COL23A1: variants seen among roughly 807,000 people sequenced by gnomAD.
COL23A1 encodes the protein collagen alpha-1(XXIII) chain.
A neutral mutation model predicts 99.3 loss-of-function variants in COL23A1; 97 were observed. That is an observed-to-expected ratio of 0.98 (90% CI 0.83 to 1.16). The LOEUF (loss-of-function observed/expected upper bound fraction) is 1.16, where lower values mean the gene tolerates loss of function less well. Ranked by LOEUF, COL23A1 falls within the 50% of genes most tolerant of loss-of-function variation. COL23A1 has a pLI of 0.00. For synonymous variants in COL23A1, 320 were observed against 308.2 expected, an observed-to-expected ratio of 1.04 and a Z score of -0.40; for missense variants, 762 against 757.4, an observed-to-expected ratio of 1.01 and a Z score of -0.07.
rs1028280469 is a variant in COL23A1 at position 178,310,394 on chromosome 5, C to T, written c.362-3475G>A. ...CCAAGCCGGCTGCTCACCCAGTGAG[C>T]ATGAACTTGGGACCCTTTTCCTCCA... On this transcript the variant is annotated intron_variant, in intron 2 of 28. Transcript: ENST00000390654. The surrounding 1 kb of genome is among the most constrained non-coding windows in gnomAD (Gnocchi z 4.3). Among the ~76,000 whole-genome samples, 1 of 152,246 alleles carries T rather than the reference C, an allele frequency of 6.6e-6. No homozygotes were observed. The highest frequency in any genetic ancestry group is 2.1e-4 in the South Asian group (1 of 4,838).
chr5:178,239,259 T>C, intron 27 of COL23A1, 80 bp from the exon 28 acceptor site: 1 of 1,518,312 alleles, frequency 6.6e-7, no homozygotes, highest in Non-Finnish European at 9.1e-7. Flanking sequence ...CCCTGGTCTG[T>C]AGGGAGGTGC....
intron 2 of COL23A1, among the ~76,000 whole-genome samples, chr5:178,409,029 G>C (rs1764929611): frequency 7.1e-6 from 1 of 141,346 alleles, no homozygotes; most frequent in Admixed American, 7.2e-5. Flanking sequence ...CACATCATGT[G>C]GCTGAACAAT....
At chr5:178,327,412 C>T (rs371759948) in intron 2 of COL23A1, among the ~76,000 whole-genome samples, 1 of 152,304 alleles carries the variant, frequency 6.6e-6, no homozygotes, top group East Asian at 1.9e-4. Context: ...AAAACCTGCC[C>T]ACCTCTCCCT....
At chr5:178,248,789 C>T (rs1245106170) in intron 19 of COL23A1, among the ~76,000 whole-genome samples, 1 of 152,208 alleles carries the variant, frequency 6.6e-6, no homozygotes, top group African/African-American at 2.4e-5. Context: ...GTTCCAGAGT[C>T]AGCCGGGACG....
intron 2 of COL23A1, among the ~76,000 whole-genome samples, chr5:178,409,342 A>C (rs559313124): frequency 6.6e-6 from 1 of 152,344 alleles, no homozygotes; most frequent in South Asian, 2.1e-4. Flanking sequence ...TCCAGTTCTA[A>C]AACATTCTTA....
chr5:178,485,765 G>C (rs986866464), intron 2 of COL23A1, among the ~76,000 whole-genome samples: 4 of 125,602 alleles, frequency 3.2e-5, no homozygotes, highest in African/African-American at 9.4e-5. Context: ...CTGGGTGACA[G>C]AGTGACTCCA....
intron 2 of COL23A1, among the ~76,000 whole-genome samples, chr5:178,314,466 T>G (rs1019455122): frequency 1.3e-5 from 2 of 152,150 alleles, no homozygotes; most frequent in African/African-American, 4.8e-5. Flanking sequence ...TAAGGTGGCT[T>G]GGACACGGTG....
chr5:178,286,732 C>T (rs1479748515), intron 5 of COL23A1, among the ~76,000 whole-genome samples: 11 of 152,342 alleles, frequency 7.2e-5, no homozygotes, highest in East Asian at 3.9e-4. Flanking sequence ...CTCTGTGGGA[C>T]GCAGACCCTG....
At chr5:178,457,702 G>A (rs1354019003) in intron 2 of COL23A1, among the ~76,000 whole-genome samples, 1 of 152,200 alleles carries the variant, frequency 6.6e-6, no homozygotes, top group East Asian at 1.9e-4. Flanking sequence ...ACAGATTGTT[G>A]GAGGCAGTGC....
At chr5:178,481,426 A>G (rs1315792627) in intron 2 of COL23A1, among the ~76,000 whole-genome samples, 2 of 152,182 alleles carry the variant, frequency 1.3e-5, no homozygotes, top group Non-Finnish European at 2.9e-5. Flanking sequence ...CTACTGAGAG[A>G]GTATAAAGAC....
At chr5:178,266,924 G>C (rs1039934721) in intron 8 of COL23A1, among the ~76,000 whole-genome samples, 1 of 152,242 alleles carries the variant, frequency 6.6e-6, no homozygotes, top group Non-Finnish European at 1.5e-5. Flanking sequence ...CTTGTTCAGG[G>C]TCACTCAGCT....
intron 2 of COL23A1, among the ~76,000 whole-genome samples, chr5:178,549,345 GAC>G (rs1181676982): frequency 6.6e-6 from 1 of 151,442 alleles, no homozygotes; most frequent in Non-Finnish European, 1.5e-5. Context: ...CAGATGAAAA[GAC>G]ACACAAATAA....
At chr5:178,284,967 T>A (rs950095394) in intron 5 of COL23A1, among the ~76,000 whole-genome samples, 5 of 152,202 alleles carry the variant, frequency 3.3e-5, no homozygotes, top group African/African-American at 1.2e-4. Flanking sequence ...TGCTTTTTCC[T>A]TGTGTTTTTC....
intron 2 of COL23A1, among the ~76,000 whole-genome samples, chr5:178,416,479 A>G (rs1765317771): frequency 6.6e-6 from 1 of 152,128 alleles, no homozygotes; most frequent in African/African-American, 2.4e-5. Flanking sequence ...GTGAGCCCGG[A>G]GGGGTGGGGC....
rs904291968 is a variant in COL23A1 at position 178,428,531 on chromosome 5, G to A, written c.362-121612C>T. Reference sequence around the variant, plus strand: ...GGCCTGTGCTCTGTGTCCAGGAGCCGCGGCAGGGTGCCCAGCGGGGCCTCT... The same window carrying A: ...GGCCTGTGCTCTGTGTCCAGGAGCCACGGCAGGGTGCCCAGCGGGGCCTCT... On this transcript the variant is annotated intron_variant, in intron 2 of 28. Transcript: ENST00000390654. This position sits in a 1 kb window ranked among gnomAD's most constrained non-coding sequence, Gnocchi z 5.0. Among the ~76,000 whole-genome samples, 1 of 152,202 alleles carries A rather than the reference G, an allele frequency of 6.6e-6. No homozygotes were observed. Among genetic ancestry groups the A allele is most frequent in the Non-Finnish European group, 1.5e-5 (1 of 68,018 alleles).
rs569632543 is a variant in COL23A1, at chr5:178,314,903, G to A, written c.362-7984C>T. ...AAACACTGCCTGGCTCTCTCTCATT[G>A]AAGAAGATACTTATTAAAGGAGAGA... On this transcript the variant is annotated intron_variant, in intron 2 of 28. Coordinates refer to ENST00000390654, the MANE Select transcript of COL23A1 (RefSeq NM_173465.4). Among the ~76,000 whole-genome samples the A allele has an allele frequency of 2.4e-3, 360 of 152,282 alleles. 1 individual carries two copies. Among genetic ancestry groups the A allele is most frequent in the Non-Finnish European group, 4.3e-3 (294 of 68,032 alleles).
chr5:178,249,955 G>A (rs1012327749), intron 18 of COL23A1, 106 bp downstream of exon 18: 22 of 1,402,328 alleles, frequency 1.6e-5, no homozygotes, highest in Non-Finnish European at 2.1e-5. Context: ...CACACATGGT[G>A]TTTCTCTAAC....
chr5:178,469,893 A>T (rs1330456089), intron 2 of COL23A1, among the ~76,000 whole-genome samples: 1 of 152,142 alleles, frequency 6.6e-6, no homozygotes, highest in Non-Finnish European at 1.5e-5. Flanking sequence ...AGCTTTCGTC[A>T]TGCTAACTGG....
chr5:178,303,817 G>C lies in COL23A1; in HGVS notation c.406+3058C>G, dbSNP rs150129360. 1.2e-3 allele frequency among the ~76,000 whole-genome samples: 178 copies of C among 152,340 alleles called. 1 individual carries two copies. Among genetic ancestry groups the C allele is most frequent in the African/African-American group, 4.0e-3 (167 of 41,576 alleles). ...GCCCTGAGGAGCCCATGCTTTGGTG[G>C]AGAAGCAGGACAACTCTGCAGACCA... On this transcript the variant is annotated intron_variant, in intron 3 of 28. Transcript: ENST00000390654.
Sources: gnomAD v4.1 joint callset for allele counts (sites outside exome capture counted in the v4.1 genomes callset) on GRCh38, gnomAD v4.1.1 for gene constraint, Gnocchi (gnomAD v3.1) non-coding constraint, MANE v1.5 for transcripts, NCBI Gene and HGNC (gene_info 2026-07-23, HGNC 2026-07-21) for gene names.